Variants in WDR70 observed in about 807,000 individuals in gnomAD.
WDR70 encodes the protein WD repeat domain 70, also known as WD repeat-containing protein 70.
Under a neutral mutation model 88.6 loss-of-function variants are expected in WDR70, and 53 were observed. That is an observed-to-expected ratio of 0.60 (90% CI 0.48 to 0.75). The LOEUF is 0.75. Ranked by LOEUF, WDR70 falls within the 30% of genes least tolerant of loss-of-function variation. The pLI is 0.00. For missense variants in WDR70, 610 were observed against 823.2 expected (o/e 0.74, Z 3.17); for synonymous variants, 280 against 270.0 (o/e 1.04, Z -0.36).
chr5:37,434,437 G>A (rs901031560), intron 5 of WDR70, among the ~76,000 whole-genome samples: 1 of 152,200 alleles, frequency 6.6e-6, no homozygotes, highest in African/African-American at 2.4e-5. Flanking sequence ...ACTGGTAGCT[G>A]TACTTCAGTG....
At chr5:37,683,824 A>G (rs377217354) in intron 10 of WDR70, among the ~76,000 whole-genome samples, 9 of 152,118 alleles carry the variant, frequency 5.9e-5, no homozygotes, top group Non-Finnish European at 1.3e-4. Context: ...GTATCTTGGA[A>G]TGATCTTCTC....
chr5:37,725,831 C>T (rs1354042569), intron 16 of WDR70, among the ~76,000 whole-genome samples: 1 of 152,078 alleles, frequency 6.6e-6, no homozygotes, highest in Non-Finnish European at 1.5e-5. Context: ...ATCCCTAACT[C>T]CATTAGCTTT....
chr5:37,629,179 T>C (rs1425333157), intron 10 of WDR70, among the ~76,000 whole-genome samples: 1 of 152,200 alleles, frequency 6.6e-6, no homozygotes, highest in African/African-American at 2.4e-5. Context: ...TATTTATGAC[T>C]TGACTCTTTT....
At chr5:37,487,619 A>ATTTTTTTTTTTT (rs1739918883) in intron 8 of WDR70, among the ~76,000 whole-genome samples, 1 of 93,546 alleles carries the variant, frequency 1.1e-5, no homozygotes, top group African/African-American at 4.3e-5. Flanking sequence ...ATATATATAT[A>ATTTTTTTTTTTT]TATATGTATT....
intron 3 of WDR70, among the ~76,000 whole-genome samples, chr5:37,384,549 A>G (rs1378342089): frequency 2.1e-5 from 3 of 145,412 alleles, no homozygotes; most frequent in Non-Finnish European, 4.5e-5. Flanking sequence ...AGTCCCAGCT[A>G]TTTGGGAGGC....
intron 9 of WDR70, 115 bp downstream of exon 9, chr5:37,516,705 T>TTATATA: frequency 9.5e-6 from 2 of 210,406 alleles, no homozygotes; most frequent in Non-Finnish European, 1.6e-5. Flanking sequence ...GGAATTCTTA[T>TTATATA]TATATACATA....
chr5:37,584,734 CAAG>C (rs1743317078), intron 9 of WDR70, among the ~76,000 whole-genome samples: 1 of 151,792 alleles, frequency 6.6e-6, no homozygotes, highest in Non-Finnish European at 1.5e-5. Flanking sequence ...TGCAGATACC[CAAG>C]AAGAAGTTGT....
Position 37,451,913 on chromosome 5 carries a change from G to T in WDR70, c.686+8541G>T, listed in dbSNP as rs183679692. Reference sequence around the variant, plus strand: ...GGAGGTTGAGGGAGGAGAATCGCTTGAACCTGCAAGGCAGAGGTTGCAGTG... The same window carrying T: ...GGAGGTTGAGGGAGGAGAATCGCTTTAACCTGCAAGGCAGAGGTTGCAGTG... On this transcript the variant is annotated intron_variant, in intron 7 of 17. Transcript: ENST00000265107. Among the ~76,000 whole-genome samples, 199 of 152,230 alleles carry T rather than the reference G, an allele frequency of 1.3e-3. 1 individual carries two copies. The highest frequency in any genetic ancestry group is 4.6e-3 in the African/African-American group (193 of 41,544).
intron 4 of WDR70, among the ~76,000 whole-genome samples, chr5:37,395,887 A>T (rs1407381480): frequency 6.6e-6 from 1 of 151,984 alleles, no homozygotes; most frequent in Non-Finnish European, 1.5e-5. Flanking sequence ...TGTAGCCTTG[A>T]CCTCCTGGAC....
chr5:37,424,600 G>A (rs1328712152), intron 5 of WDR70, among the ~76,000 whole-genome samples: 1 of 151,812 alleles, frequency 6.6e-6, no homozygotes, highest in African/African-American at 2.4e-5. Flanking sequence ...TGTAGAGACG[G>A]AGTCTTGCTC....
chr5:37,577,224 T>C (rs553011163), intron 9 of WDR70, among the ~76,000 whole-genome samples: 8 of 152,248 alleles, frequency 5.3e-5, no homozygotes, highest in Non-Finnish European at 7.4e-5. Context: ...ATAAAACTTA[T>C]AGGATGATGA....
intron 8 of WDR70, among the ~76,000 whole-genome samples, chr5:37,504,905 T>C (rs1740514638): frequency 6.6e-6 from 1 of 152,204 alleles, no homozygotes; most frequent in South Asian, 2.1e-4. Flanking sequence ...AGGTCATTGG[T>C]AGGCAGGTAC....
intron 9 of WDR70, among the ~76,000 whole-genome samples, chr5:37,562,005 A>G (rs1383066747): frequency 6.6e-6 from 1 of 152,208 alleles, no homozygotes; most frequent in Non-Finnish European, 1.5e-5. Context: ...TGAGGAGGTG[A>G]CACCAAATGC....
intron 17 of WDR70, among the ~76,000 whole-genome samples, chr5:37,742,874 G>A (rs1004538044): frequency 2.6e-5 from 4 of 152,184 alleles, no homozygotes; most frequent in Non-Finnish European, 5.9e-5. Context: ...AAAACAGGTG[G>A]TAAACAAGCA....
chr5:37,613,281 C>T (rs1252927085), intron 10 of WDR70, among the ~76,000 whole-genome samples: 1 of 152,122 alleles, frequency 6.6e-6, no homozygotes, highest in Non-Finnish European at 1.5e-5. Flanking sequence ...ACCATGCTTC[C>T]TCCTGAAACC....
intron 10 of WDR70, among the ~76,000 whole-genome samples, chr5:37,667,854 A>G (rs1018711380): frequency 3.1e-5 from 2 of 63,904 alleles, no homozygotes; most frequent in African/African-American, 6.5e-5. Flanking sequence ...GAAAAAAAAA[A>G]AAAAAAAAAA....
At chr5:37,649,315 G>A (rs1745327163) in intron 10 of WDR70, among the ~76,000 whole-genome samples, 1 of 151,812 alleles carries the variant, frequency 6.6e-6, no homozygotes, top group Non-Finnish European at 1.5e-5. Flanking sequence ...TACAGGTTGG[G>A]ACCAGACTTT....
intron 10 of WDR70, among the ~76,000 whole-genome samples, chr5:37,671,104 A>G (rs530132444): frequency 6.6e-6 from 1 of 152,326 alleles, no homozygotes; most frequent in African/African-American, 2.4e-5. Context: ...GATTGAAAAC[A>G]TAGAATTATT....
At chr5:37,518,370 G>A (rs922181919) in intron 9 of WDR70, among the ~76,000 whole-genome samples, 14 of 151,226 alleles carry the variant, frequency 9.3e-5, no homozygotes, top group Middle Eastern at 3.4e-3. Context: ...CCTCTTCAGC[G>A]TCTGGTAACC....
Sources: allele counts gnomAD v4.1 joint callset (sites outside exome capture counted in the v4.1 genomes callset), GRCh38; gene constraint gnomAD v4.1.1; transcripts MANE v1.5; gene names NCBI Gene and HGNC (gene_info 2026-07-23, HGNC 2026-07-21).